Variants in IFI16 observed in about 807,000 individuals in gnomAD.
IFI16 encodes interferon gamma inducible protein 16.
A neutral mutation model predicts 68.4 loss-of-function variants in IFI16; 49 were observed. That is an observed-to-expected ratio of 0.72 (90% confidence interval 0.57 to 0.91). The LOEUF (loss-of-function observed/expected upper bound fraction) is 0.91, where lower values mean the gene tolerates loss of function less well. IFI16 is among the 40% of genes least tolerant of loss of function. The pLI is 0.00. For synonymous variants in IFI16, 307 were observed against 315.0 expected, an observed-to-expected ratio of 0.97 and a Z score of 0.27; for missense variants, 878 against 942.9, an observed-to-expected ratio of 0.93 and a Z score of 0.90.
At chr1:159,032,096 TAAAGAC>T (rs1654034754) in intron 6 of IFI16, among the ~76,000 whole-genome samples, 1 of 152,206 alleles carries the variant, frequency 6.6e-6, no homozygotes, top group African/African-American at 2.4e-5. Context: ...CTTAGCAAGA[TAAAGAC>T]AAACACTGGA....
chr1:159,032,559 C>T lies in IFI16; in HGVS notation c.1197C>T (p.Pro399=). 1 of 1,608,992 alleles carries T rather than the reference C, an allele frequency of 6.2e-7. No homozygotes were observed. Among genetic ancestry groups the T allele is most frequent in the Non-Finnish European group, 8.5e-7 (1 of 1,177,626 alleles). Residue 399 remains proline, a synonymous_variant, in exon 7 of 12, where the codon CCC becomes CCT. Coordinates refer to ENST00000295809, the MANE Select transcript of IFI16 (RefSeq NM_001376587.1). ...AAACAAACCCGAGAAACAATGACCC[C>T]AAGAGCATGAAGCTACCCCAGGAAC... ...KKKTNPRNND[P]KSMKLPQEQR...
At chr1:159,020,637 A>G in intron 6 of IFI16, 108 bp downstream of exon 6, 1 of 660,128 alleles carries the variant, frequency 1.5e-6, no homozygotes, top group Non-Finnish European at 2.5e-6. Context: ...AGCGGGAGGC[A>G]TGAGAAAACA....
upstream of IFI16, chr1:159,009,795 TCC>T (rs1652431468): frequency 6.6e-6 from 1 of 152,068 alleles, no homozygotes. Flanking sequence ...ATCCCCCATT[TCC>T]CCTCACCACA....
intron 6 of IFI16, among the ~76,000 whole-genome samples, chr1:159,028,905 A>G (rs1283400344): frequency 6.6e-6 from 1 of 152,026 alleles, no homozygotes; most frequent in Non-Finnish European, 1.5e-5. Flanking sequence ...TCTCTTAAAG[A>G]CAGTAAACAC....
intron 6 of IFI16, 91 bp from the exon 7 acceptor site, chr1:159,032,433 A>C: frequency 1.3e-6 from 1 of 752,474 alleles, no homozygotes; most frequent in South Asian, 2.5e-5. Flanking sequence ...GACCTATTAA[A>C]ATCTAATAAA....
chr1:159,020,321 A>C lies in IFI16; in HGVS notation c.973-20A>C, dbSNP rs1014051839. 7.1e-6 allele frequency: 11 copies of C among 1,559,524 alleles called. No homozygotes were observed. The highest frequency in any genetic ancestry group is 8.8e-6 in the Non-Finnish European group (10 of 1,136,704). On this transcript the variant is annotated intron_variant, in intron 5 of 11. Transcript: ENST00000295809. ...TATTAATTACATTCTCAGGAACAGA[A>C]TATTAATTTTCTGTTACAGAAAACA...
At chr1:159,027,666 T>G (rs1394596507) in intron 6 of IFI16, among the ~76,000 whole-genome samples, 1 of 152,210 alleles carries the variant, frequency 6.6e-6, no homozygotes, top group Non-Finnish European at 1.5e-5. Flanking sequence ...TCCTGGGCTT[T>G]TCTTTATTGG....
At chr1:159,008,754 C>T (rs1200617672), upstream of IFI16, among the ~76,000 whole-genome samples, 2 of 152,198 alleles carry the variant, frequency 1.3e-5, no homozygotes, top group Admixed American at 6.5e-5. Context: ...TCCAGATCCT[C>T]TTTGCTTTTT....
upstream of IFI16, among the ~76,000 whole-genome samples, chr1:159,008,505 C>T (rs551593157): frequency 2.0e-5 from 3 of 152,212 alleles, no homozygotes; most frequent in Admixed American, 1.3e-4. Context: ...ATGCTGGAGT[C>T]CCAATTGAGG....
chr1:159,033,274 T>C (rs1654119813), intron 7 of IFI16, among the ~76,000 whole-genome samples: 1 of 152,216 alleles, frequency 6.6e-6, no homozygotes, highest in African/African-American at 2.4e-5. Flanking sequence ...CAGGGTCTCC[T>C]GTCAATGAGA....
intron 11 of IFI16, among the ~76,000 whole-genome samples, chr1:159,054,482 C>T (rs769168871): frequency 6.6e-6 from 1 of 152,180 alleles, no homozygotes; most frequent in Non-Finnish European, 1.5e-5. Flanking sequence ...TACTCTCCCC[C>T]TTCCTTCTGC....
upstream of IFI16, among the ~76,000 whole-genome samples, chr1:159,004,663 C>T (rs751405649): frequency 1.2e-4 from 18 of 152,096 alleles, no homozygotes; most frequent in Non-Finnish European, 2.5e-4. Flanking sequence ...CGAGATCGTG[C>T]CATCACAACA....
intron 6 of IFI16, among the ~76,000 whole-genome samples, chr1:159,020,781 C>T (rs1045523627): frequency 4.6e-5 from 7 of 151,310 alleles, no homozygotes; most frequent in Admixed American, 2.6e-4. Flanking sequence ...TTTATGTAAA[C>T]TTTTAAGTGA....
At chr1:159,027,724 G>C (rs1435406426) in intron 6 of IFI16, among the ~76,000 whole-genome samples, 1 of 152,206 alleles carries the variant, frequency 6.6e-6, no homozygotes, top group South Asian at 2.1e-4. Flanking sequence ...TTATCACTCT[G>C]TTCAGAGTTT....
chr1:159,053,608 C>T lies in IFI16; in HGVS notation c.2161C>T (p.Arg721Ter), dbSNP rs566021708. ...GAAGATGGAAGTGGTGGTGCATGGA[C>T]GACTGACCACAATCAACTGTGAGGA... ...TGKMEVVVHG[R>*]LTTINCEEGD... is the part of the protein sequence containing the mutation. The change falls in exon 11 of 12, where the codon CGA (arginine) becomes TGA (stop). Residue 721 changes from arginine (R) to a stop codon, truncating the protein, a stop_gained. Coordinates refer to ENST00000295809, the MANE Select transcript of IFI16 (RefSeq NM_001376587.1). LOFTEE classifies it high-confidence loss of function. The T allele has an allele frequency of 5.6e-6, 9 of 1,613,276 alleles. No homozygotes were observed. The highest frequency in any genetic ancestry group is 7.6e-6 in the Non-Finnish European group (9 of 1,179,460).
chr1:159,051,605 G>C, intron 9 of IFI16, 74 bp from the exon 10 acceptor site: 2 of 1,206,886 alleles, frequency 1.7e-6, no homozygotes, highest in Non-Finnish European at 1.2e-6. Flanking sequence ...CTGAGGCTGA[G>C]ATGACTCTCA....
At chr1:159,005,333 C>A (rs1244700638), upstream of IFI16, among the ~76,000 whole-genome samples, 1 of 152,160 alleles carries the variant, frequency 6.6e-6, no homozygotes, top group African/African-American at 2.4e-5. Flanking sequence ...TTTCATGAAC[C>A]AGAAACTTCT....
At chr1:159,036,111 T>G (rs1181584847) in intron 7 of IFI16, among the ~76,000 whole-genome samples, 1 of 152,184 alleles carries the variant, frequency 6.6e-6, no homozygotes, top group Non-Finnish European at 1.5e-5. Context: ...TACAAATCCC[T>G]GCAGAGACAG....
At chr1:159,024,141 C>G (rs1013295255) in intron 6 of IFI16, among the ~76,000 whole-genome samples, 1 of 152,182 alleles carries the variant, frequency 6.6e-6, no homozygotes, top group Non-Finnish European at 1.5e-5. Context: ...TTCATTCCAG[C>G]CAGGCATTTG....
Sources: gnomAD v4.1 joint callset for allele counts (sites outside exome capture counted in the v4.1 genomes callset) on GRCh38, gnomAD v4.1.1 for gene constraint, MANE v1.5 for transcripts, NCBI Gene and HGNC (gene_info 2026-07-23, HGNC 2026-07-21) for gene names.